NLRC3: variants seen among roughly 807,000 people sequenced by gnomAD.
The protein encoded by NLRC3 is NLR family CARD domain containing 3.
A neutral mutation model predicts 91.6 loss-of-function variants in NLRC3; 87 were observed. The observed-to-expected ratio is 0.95, with a 90% CI of 0.80 to 1.14. NLRC3 has a LOEUF of 1.14. NLRC3 is among the 50% of genes most tolerant of loss of function. NLRC3 has a pLI of 0.00. For synonymous variants in NLRC3, 694 were observed against 625.3 expected, an observed-to-expected ratio of 1.11 and a Z score of -1.64; for missense variants, 1,577 against 1,418.6, an observed-to-expected ratio of 1.11 and a Z score of -1.79.
chr16:3,543,933 C>T lies in NLRC3; in HGVS notation c.2855+313G>A, dbSNP rs891566492. 28 of 358,434 alleles carry T rather than the reference C, an allele frequency of 7.8e-5. No homozygotes were observed. The South Asian group carries it at 9.2e-4, about 12-fold the overall frequency. The allele number at this position is 358,434 out of a possible 1,614,324, so 22.2% of individuals were successfully genotyped here. On this transcript the variant is annotated intron_variant, in intron 16 of 19. Coordinates refer to ENST00000359128, the MANE Select transcript of NLRC3 (RefSeq NM_178844.4). ...CTTTGGGAGGCTGAGGTGGGCAGAT[C>T]ACCTGAAGTCAGGAGTTTGAGACCA...
At position 3,549,160 on chromosome 16, in the gene NLRC3, C is replaced by T; in HGVS notation, c.2585G>A (p.Ser862Asn). The part of the protein sequence containing the change: ...QAIAHALCAN[S>N]TLKNLDLTAN... ...CACGTACTCCAGGTTCTTCAGGGTGCTGTTGGCGCAGAGGGCATGAGCGAT... is the reference window on the plus strand; with the variant it reads ...CACGTACTCCAGGTTCTTCAGGGTGTTGTTGGCGCAGAGGGCATGAGCGAT... Residue 862 changes from serine (S) to asparagine (N), a missense_variant, in exon 13 of 20, where the codon AGC becomes AAC. Physicochemically the swap from Ser to Asn is conservative, Grantham distance 46. Coordinates refer to ENST00000359128, the MANE Select transcript of NLRC3 (RefSeq NM_178844.4). The T allele has an allele frequency of 6.3e-7, 1 of 1,581,562 alleles. No individual in the cohort carries two copies. Among genetic ancestry groups the T allele is most frequent in the East Asian group, 2.3e-5 (1 of 43,448 alleles).
Position 3,548,428 on chromosome 16 carries a change from C to T in NLRC3, c.2688-210G>A, listed in dbSNP as rs73503388. Among the ~76,000 whole-genome samples, 726 of 152,340 alleles carry T rather than the reference C, an allele frequency of 4.8e-3. 7 individuals carry two copies. The highest frequency in any genetic ancestry group is 0.016 in the African/African-American group (686 of 41,586). On this transcript the variant is annotated intron_variant, in intron 14 of 19. Coordinates refer to ENST00000359128, the MANE Select transcript of NLRC3 (RefSeq NM_178844.4). Reference sequence around the variant, plus strand: ...GGGCCGGGGAATAAGCCAGAAAAGACACCTCCAAATGGCCTCTGCCTGGAG... The same window carrying T: ...GGGCCGGGGAATAAGCCAGAAAAGATACCTCCAAATGGCCTCTGCCTGGAG...
chr16:3,558,176 C>T lies in NLRC3; in HGVS notation c.2016-500G>A, dbSNP rs543818409. Reference sequence around the variant, plus strand: ...GGGAAACATAGGGAGATCTTGTCTCCACGAAAAACATAAAAATTAGTCAGG... The same window carrying T: ...GGGAAACATAGGGAGATCTTGTCTCTACGAAAAACATAAAAATTAGTCAGG... On this transcript the variant is annotated intron_variant, in intron 6 of 19. Transcript: ENST00000359128. 3.3e-5 allele frequency among the ~76,000 whole-genome samples: 5 copies of T among 151,742 alleles called. No individual in the cohort carries two copies. In the South Asian group the frequency reaches 6.3e-4, roughly 19 times the overall value.
intron 6 of NLRC3, among the ~76,000 whole-genome samples, chr16:3,559,643 C>CTT (rs71392843): frequency 1.6e-4 from 21 of 134,404 alleles, no homozygotes; most frequent in South Asian, 2.4e-4. Flanking sequence ...TTTTTTTTTT[C>CTT]TTTTTTTTTT....
At chr16:3,565,127 C>G (rs776933757) in intron 3 of NLRC3, 67 bp from the exon 4 acceptor site, 31 of 1,270,840 alleles carry the variant, frequency 2.4e-5, no homozygotes, top group Admixed American at 9.6e-5. Flanking sequence ...GACAGGTGAG[C>G]AAGTCCCCAG....
At chr16:3,565,235 G>C (rs1009620444) in intron 3 of NLRC3, 84 bp downstream of exon 3, 4 of 697,836 alleles carry the variant, frequency 5.7e-6, no homozygotes, top group Non-Finnish European at 1.0e-5. Context: ...TTTGTTCCTG[G>C]GTGGTAGCAA....
intron 15 of NLRC3, among the ~76,000 whole-genome samples, chr16:3,546,711 G>A (rs950802029): frequency 6.6e-5 from 10 of 152,202 alleles, no homozygotes; most frequent in African/African-American, 2.2e-4. Flanking sequence ...GCAAGATCCC[G>A]AAGGGAGGTA....
intron 13 of NLRC3, 61 bp downstream of exon 13, chr16:3,549,081 C>T: frequency 7.7e-7 from 1 of 1,306,754 alleles, no homozygotes; most frequent in Non-Finnish European, 1.1e-6. Flanking sequence ...TCAGCCCAGG[C>T]TCGGTGTGGG....
intron 1 of NLRC3, among the ~76,000 whole-genome samples, chr16:3,569,657 C>G (rs901805658): frequency 1.3e-5 from 2 of 151,864 alleles, no homozygotes; most frequent in Non-Finnish European, 2.9e-5. Context: ...TTTGGCCTCC[C>G]AAAGTGCTCG....
intron 6 of NLRC3, 29 bp from the exon 7 acceptor site, chr16:3,557,705 A>G: frequency 2.7e-6 from 4 of 1,456,400 alleles, no homozygotes; most frequent in African/African-American, 1.4e-5. Flanking sequence ...AGGAGTGGTT[A>G]TTTTAGGCAT....
intron 16 of NLRC3, 76 bp from the exon 17 acceptor site, chr16:3,543,584 C>T (rs2038525539): frequency 1.0e-6 from 1 of 959,932 alleles, no homozygotes; most frequent in East Asian, 2.5e-5. Flanking sequence ...CCTTTCACCA[C>T]CCCTTGACTC....
chr16:3,570,417 G>A (rs894751773), intron 1 of NLRC3, among the ~76,000 whole-genome samples: 10 of 152,232 alleles, frequency 6.6e-5, no homozygotes, highest in Non-Finnish European at 1.5e-5. Flanking sequence ...CCCTGGGGAT[G>A]TGAAGGTGAC....
intron 1 of NLRC3, among the ~76,000 whole-genome samples, chr16:3,569,268 C>T (rs528484692): frequency 8.2e-5 from 12 of 145,498 alleles, no homozygotes; most frequent in East Asian, 2.1e-4. Context: ...GAGGCGAAAA[C>T]GCACCACTGC....
intron 9 of NLRC3, among the ~76,000 whole-genome samples, chr16:3,553,371 G>A (rs1015148197): frequency 6.6e-6 from 1 of 152,172 alleles, no homozygotes; most frequent in East Asian, 1.9e-4. Context: ...CCCTGCCTTC[G>A]GGAATTAGGC....
Position 3,550,420 on chromosome 16 carries a change from C to T in NLRC3, c.2429G>A (p.Ser810Asn), listed in dbSNP as rs2038932817. The T allele has an allele frequency of 1.2e-6, 2 of 1,608,558 alleles. No homozygotes were observed. The highest frequency in any genetic ancestry group is 2.2e-5 in the South Asian group (2 of 90,980). The change falls in exon 11 of 20, where the codon AGC becomes AAC. Residue 810 changes from serine to asparagine, a missense_variant. By Grantham distance (46) the Ser-to-Asn change is conservative. Transcript: ENST00000359128. ...EALKVNQGLE[S>N]LDLQSNSISD... Reference sequence around the variant, plus strand: ...CCCTGGCAGGTGGACTCACTCCAGGCTCTCCAGGCCCTGGTTCACCTTCAG... The same window carrying T: ...CCCTGGCAGGTGGACTCACTCCAGGTTCTCCAGGCCCTGGTTCACCTTCAG...
chr16:3,568,465 T>C (rs1276363763), intron 1 of NLRC3, among the ~76,000 whole-genome samples: 2 of 152,206 alleles, frequency 1.3e-5, no homozygotes, highest in Non-Finnish European at 2.9e-5. Context: ...GGCTCATGCT[T>C]GTCATTCCAG....
Position 3,540,067 on chromosome 16 carries a change from G to C in NLRC3, c.*1758C>G, listed in dbSNP as rs2038337604. The C allele has an allele frequency of 6.6e-6, 1 of 152,198 alleles. No homozygotes were observed. The highest frequency in any genetic ancestry group is 1.5e-5 in the Non-Finnish European group (1 of 68,032). 9.4% of individuals were successfully genotyped at this position (152,198 alleles called of 1,614,324 possible). On this transcript the variant is annotated 3_prime_UTR_variant, in exon 20 of 20. Coordinates refer to ENST00000359128, the MANE Select transcript of NLRC3 (RefSeq NM_178844.4). ...ATCAGACTGGGGGCATGTGATGTCT[G>C]TGTGTCCCATTATTGGCGATGTTCA... is the stretch of plus-strand genomic sequence containing the variant.
chr16:3,557,472 TCAGGGAAGAA>T (rs1422732086), intron 7 of NLRC3, 111 bp downstream of exon 7: 1 of 630,204 alleles, frequency 1.6e-6, no homozygotes, highest in African/African-American at 1.8e-5. Flanking sequence ...ATCATGGGAA[TCAGGGAAGAA>T]CAGACAGGTA....
intron 8 of NLRC3, among the ~76,000 whole-genome samples, chr16:3,555,027 T>C (rs906713821): frequency 6.6e-6 from 1 of 151,946 alleles, no homozygotes; most frequent in Non-Finnish European, 1.5e-5. Context: ...GTCAGCAATT[T>C]GAGACCAGCC....
Sources: allele counts gnomAD v4.1 joint callset (sites outside exome capture counted in the v4.1 genomes callset), GRCh38; gene constraint gnomAD v4.1.1; transcripts MANE v1.5; gene names NCBI Gene and HGNC (gene_info 2026-07-23, HGNC 2026-07-21).